The following ZC3H12B variants were observed in gnomAD, a reference collection of about 807,000 sequenced individuals.
ZC3H12B encodes zinc finger CCCH-type containing 12B, also known as probable ribonuclease ZC3H12B.
In ZC3H12B, 7 loss-of-function variants were observed where a neutral mutation model predicts 43.9. That is an observed-to-expected ratio of 0.16 (90% CI 0.09 to 0.30). The LOEUF (loss-of-function observed/expected upper bound fraction) is 0.30, where lower values mean the gene tolerates loss of function less well. ZC3H12B is among the 10% of genes least tolerant of loss of function. The pLI is 1.00. For missense variants in ZC3H12B, 475 were observed against 670.2 expected, an observed-to-expected ratio of 0.71 and a Z score of 3.22; for synonymous variants, 222 against 241.7, an observed-to-expected ratio of 0.92 and a Z score of 0.76.
the ZC3H12B span, among the ~76,000 whole-genome samples, chrX:65,038,864 C>T: frequency 1.8e-5 from 2 of 111,265 alleles, no homozygotes; most frequent in Admixed American, 9.5e-5. Context: ...AAAGAATTAC[C>T]ATATGCTAAA....
At chrX:65,108,009 C>A in the ZC3H12B span, among the ~76,000 whole-genome samples, 251 of 111,391 alleles carry the variant, frequency 2.3e-3, 2 homozygotes, top group African/African-American at 7.6e-3. Flanking sequence ...GTGTTTGTGT[C>A]TCTAAACATA....
intron 3 of ZC3H12B, among the ~76,000 whole-genome samples, chrX:65,479,967 A>C (rs889025017): frequency 8.9e-6 from 1 of 112,573 alleles, no homozygotes; most frequent in Non-Finnish European, 1.9e-5. Context: ...GTAAAGTTAC[A>C]AAGTTATTTA....
chrX:65,080,944 TAAG>T, the ZC3H12B span, among the ~76,000 whole-genome samples: 1 of 109,462 alleles, frequency 9.1e-6, no homozygotes, highest in Admixed American at 9.8e-5. Flanking sequence ...GACAGTATAA[TAAG>T]ATATCAATAA....
At chrX:65,160,722 A>T in the ZC3H12B span, among the ~76,000 whole-genome samples, 2 of 111,319 alleles carry the variant, frequency 1.8e-5, no homozygotes, top group Non-Finnish European at 1.9e-5. Context: ...TGCCTGGATT[A>T]ATTAATTTTT....
At chrX:65,189,604 A>C in the ZC3H12B span, among the ~76,000 whole-genome samples, 2 of 103,355 alleles carry the variant, frequency 1.9e-5, no homozygotes, top group Admixed American at 1.0e-4. Context: ...TCTTTTGAGA[A>C]GTGTCTGTTC....
the ZC3H12B span, among the ~76,000 whole-genome samples, chrX:65,102,026 C>T: frequency 8.9e-6 from 1 of 111,877 alleles, no homozygotes; most frequent in African/African-American, 3.3e-5. Context: ...CATCAAAAAG[C>T]TTATTCACTA....
At chrX:65,115,406 T>C in the ZC3H12B span, among the ~76,000 whole-genome samples, 2 of 111,572 alleles carry the variant, frequency 1.8e-5, no homozygotes, top group African/African-American at 6.5e-5. Context: ...TTTTGCTAAA[T>C]ACTATTCAAT....
the ZC3H12B span, among the ~76,000 whole-genome samples, chrX:65,289,947 G>T: frequency 4.5e-5 from 5 of 110,826 alleles, no homozygotes; most frequent in African/African-American, 1.6e-4. Context: ...CCATCCTCAA[G>T]AGTATAGTCA....
At chrX:65,329,632 T>A in the ZC3H12B span, among the ~76,000 whole-genome samples, 1 of 110,810 alleles carries the variant, frequency 9.0e-6, no homozygotes, top group East Asian at 2.8e-4. Flanking sequence ...CCCATGCCTA[T>A]GTCCTGAATG....
the ZC3H12B span, among the ~76,000 whole-genome samples, chrX:65,283,057 C>T: frequency 4.5e-5 from 5 of 111,402 alleles, no homozygotes; most frequent in Admixed American, 1.9e-4. Flanking sequence ...TGATGAACAT[C>T]GATGCAAAAA....
intron 2 of ZC3H12B, among the ~76,000 whole-genome samples, chrX:65,397,898 A>C (rs898342772): frequency 6.2e-5 from 7 of 112,191 alleles, no homozygotes; most frequent in Non-Finnish European, 1.3e-4. Flanking sequence ...ACTTTACCAA[A>C]AATCTATTAG....
chrX:65,269,329 G>A, the ZC3H12B span, among the ~76,000 whole-genome samples: 1 of 105,975 alleles, frequency 9.4e-6, no homozygotes, highest in African/African-American at 3.5e-5. Context: ...TGGCGACAGA[G>A]CAAGACTCTG....
At chrX:65,310,038 A>G in the ZC3H12B span, among the ~76,000 whole-genome samples, 7 of 112,218 alleles carry the variant, frequency 6.2e-5, no homozygotes, top group Non-Finnish European at 1.3e-4. Flanking sequence ...CTCACAGCCA[A>G]TATCATACTG....
chrX:65,319,024 AC>A, the ZC3H12B span, among the ~76,000 whole-genome samples: 2 of 111,396 alleles, frequency 1.8e-5, no homozygotes, highest in African/African-American at 6.5e-5. Context: ...ACCTAGAGAA[AC>A]AAGAGAAAAC....
the ZC3H12B span, among the ~76,000 whole-genome samples, chrX:65,161,073 T>G: frequency 0.24 from 26,132 of 110,372 alleles, 7,686 homozygotes; most frequent in African/African-American, 0.83. Flanking sequence ...GAGCAGTTTT[T>G]AGTGAGTTTC....
chrX:65,378,998 G>A (rs945402256), intron 2 of ZC3H12B, among the ~76,000 whole-genome samples: 5 of 112,273 alleles, frequency 4.5e-5, no homozygotes, highest in Admixed American at 2.8e-4. Flanking sequence ...AGCAGTCTGC[G>A]ATCAAACTGC....
the ZC3H12B span, among the ~76,000 whole-genome samples, chrX:65,073,263 A>T: frequency 7.1e-5 from 8 of 112,830 alleles, no homozygotes; most frequent in Non-Finnish European, 1.3e-4. Flanking sequence ...GCACATGCAT[A>T]GTGGCAAAGC....
chrX:65,176,330 G>C, the ZC3H12B span, among the ~76,000 whole-genome samples: 1 of 111,864 alleles, frequency 8.9e-6, no homozygotes, highest in African/African-American at 3.2e-5. Flanking sequence ...TAGCCAGACT[G>C]CCTCTCTAGA....
intron 2 of ZC3H12B, among the ~76,000 whole-genome samples, chrX:65,384,908 C>A (rs1489779710): frequency 1.8e-5 from 2 of 112,155 alleles, no homozygotes; most frequent in Non-Finnish European, 3.8e-5. Flanking sequence ...AATAGGGAAT[C>A]CTTTCCCCAT....
Sources: allele counts gnomAD v4.1 joint callset (sites outside exome capture counted in the v4.1 genomes callset), GRCh38; gene constraint gnomAD v4.1.1; transcripts MANE v1.5; gene names NCBI Gene and HGNC (gene_info 2026-07-23, HGNC 2026-07-21).